MCPH1: variants seen among roughly 807,000 people sequenced by gnomAD.
The protein encoded by MCPH1 is microcephalin.
A neutral mutation model predicts 84.5 loss-of-function variants in MCPH1; 104 were observed. That is an observed-to-expected ratio of 1.23 (90% CI 1.05 to 1.45). MCPH1 has a LOEUF of 1.45. Ranked by LOEUF, MCPH1 falls within the 40% of genes most tolerant of loss-of-function variation. The pLI is 0.00. For missense variants in MCPH1, 1,498 were observed against 1,005.7 expected (o/e 1.49, Z -6.62); for synonymous variants, 514 against 366.8 (o/e 1.40, Z -4.58).
At chr8:6,601,579 A>ATACT (rs563226820) in intron 12 of MCPH1, among the ~76,000 whole-genome samples, 295 of 148,220 alleles carry the variant, frequency 2.0e-3, no homozygotes, top group African/African-American at 6.9e-3. Context: ...CATGCACATC[A>ATACT]TACATGCCCA....
intron 11 of MCPH1, among the ~76,000 whole-genome samples, chr8:6,496,582 C>G (rs539847295): frequency 6.7e-5 from 10 of 148,656 alleles, no homozygotes; most frequent in Admixed American, 1.3e-4. Flanking sequence ...ATTCTTAGTA[C>G]CACAACTGCA....
At chr8:6,532,465 T>A (rs1250282840) in intron 12 of MCPH1, 1 of 1,613,598 alleles carries the variant, frequency 6.2e-7, no homozygotes, top group African/African-American at 1.3e-5. Flanking sequence ...TTTCTTCATG[T>A]TGTCCTGGAT....
At chr8:6,618,780 G>A (rs1831113452) in intron 12 of MCPH1, 1 of 152,034 alleles carries the variant, frequency 6.6e-6, no homozygotes, top group Non-Finnish European at 1.5e-5. Flanking sequence ...AAGAATTTAG[G>A]GGTCTTTTTT....
chr8:6,502,420 G>A (rs976171508), intron 12 of MCPH1: 1 of 152,100 alleles, frequency 6.6e-6, no homozygotes, highest in Non-Finnish European at 1.5e-5. Context: ...CAGAGATTCT[G>A]GAAGTTTCTA....
chr8:6,536,892 C>G lies in MCPH1; in HGVS notation c.2214+36963C>G, dbSNP rs533120276. ...TTAGTGTCTCTCTTATTTTTACTGG[C>G]TGTGACTGAAACCCAGAAATATAGA... On this transcript the variant is annotated intron_variant, in intron 12 of 13. Coordinates refer to ENST00000344683, the MANE Select transcript of MCPH1 (RefSeq NM_024596.5). 5.3e-5 allele frequency among the ~76,000 whole-genome samples: 8 copies of G among 150,820 alleles called. No individual in the cohort carries two copies. In the South Asian group the frequency reaches 1.7e-3, roughly 32 times the overall value.
At chr8:6,526,232 C>A (rs1156865699) in intron 12 of MCPH1, among the ~76,000 whole-genome samples, 1 of 118,742 alleles carries the variant, frequency 8.4e-6, no homozygotes, top group Non-Finnish European at 1.7e-5. Context: ...CCAGCCTGGG[C>A]AATATGGCAA....
Position 6,643,254 on chromosome 8 carries a change from T to G in MCPH1, c.*205T>G, listed in dbSNP as rs1798050165. ...TCTGTTTCAGAGACGCTTCGGGCCT[T>G]TTTATTTTTATTTTATTTTTTATTT... On this transcript the variant is annotated 3_prime_UTR_variant, in exon 14 of 14. Coordinates refer to ENST00000344683, the MANE Select transcript of MCPH1 (RefSeq NM_024596.5). 2 of 598,038 alleles carry G rather than the reference T, an allele frequency of 3.3e-6. No homozygotes were observed. Among genetic ancestry groups the G allele is most frequent in the Middle Eastern group, 8.9e-4 (2 of 2,258 alleles). 37.0% of individuals were successfully genotyped at this position (598,038 alleles called of 1,614,324 possible).
intron 12 of MCPH1, among the ~76,000 whole-genome samples, chr8:6,512,869 G>T (rs939216027): frequency 6.6e-6 from 1 of 152,200 alleles, no homozygotes; most frequent in Non-Finnish European, 1.5e-5. Flanking sequence ...GTAGAGGAGA[G>T]CAGAGTTGAC....
chr8:6,621,799 G>T, intron 13 of MCPH1, 108 bp downstream of exon 13: 1 of 1,456,490 alleles, frequency 6.9e-7, no homozygotes, highest in Non-Finnish European at 9.6e-7. Context: ...TGGGGCACCT[G>T]GGTTGATGTC....
chr8:6,464,950 G>A (rs1164958072), intron 9 of MCPH1, among the ~76,000 whole-genome samples: 1 of 151,472 alleles, frequency 6.6e-6, no homozygotes, highest in Non-Finnish European at 1.5e-5. Context: ...AGTGAGCCAA[G>A]ATCATGCCAC....
chr8:6,564,283 C>A (rs1307416360), intron 12 of MCPH1, among the ~76,000 whole-genome samples: 1 of 152,138 alleles, frequency 6.6e-6, no homozygotes, highest in Admixed American at 6.5e-5. Flanking sequence ...GGCCCACAAA[C>A]TTCTTTATTG....
At chr8:6,514,611 C>T (rs1017392636) in intron 12 of MCPH1, 40 of 1,418,710 alleles carry the variant, frequency 2.8e-5, no homozygotes, top group Non-Finnish European at 3.4e-5. Context: ...GTTAAGGTTC[C>T]GCAGATCTTG....
chr8:6,524,805 C>T (rs963399055), intron 12 of MCPH1, among the ~76,000 whole-genome samples: 1 of 152,192 alleles, frequency 6.6e-6, no homozygotes, highest in Non-Finnish European at 1.5e-5. Flanking sequence ...ACAGGGAATA[C>T]ATATGAAGAT....
chr8:6,406,647 G>A lies in MCPH1; in HGVS notation c.-21G>A, dbSNP rs368033201. The A allele has an allele frequency of 1.9e-5, 31 of 1,611,354 alleles. No individual in the cohort carries two copies. The highest frequency in any genetic ancestry group is 1.0e-4 in the Admixed American group (6 of 59,896). Reference sequence around the variant, plus strand: ...CTCGCAAGCACCGCGTAGGCCAGCTGGCCGGATCCCGCCGTCTGTCATGGC... The same window carrying A: ...CTCGCAAGCACCGCGTAGGCCAGCTAGCCGGATCCCGCCGTCTGTCATGGC... On this transcript the variant is annotated 5_prime_UTR_variant, in exon 1 of 14. Transcript: ENST00000344683.
At chr8:6,625,659 T>C (rs1831997551) in intron 13 of MCPH1, 1 of 985,324 alleles carries the variant, frequency 1.0e-6, no homozygotes, top group Non-Finnish European at 1.2e-6. Flanking sequence ...GAGCCGGGCG[T>C]GGTGGCCCAT....
At chr8:6,582,388 G>T (rs1265935598) in intron 12 of MCPH1, among the ~76,000 whole-genome samples, 20 of 152,212 alleles carry the variant, frequency 1.3e-4, no homozygotes, top group African/African-American at 2.4e-5. Flanking sequence ...GCAAAGTTTA[G>T]TGACGTTGCA....
chr8:6,425,522 C>A (rs1265362496), intron 3 of MCPH1, among the ~76,000 whole-genome samples: 2 of 152,156 alleles, frequency 1.3e-5, no homozygotes, highest in African/African-American at 4.8e-5. Context: ...ATGATAGTTA[C>A]ACCCAGGTAG....
intron 12 of MCPH1, among the ~76,000 whole-genome samples, chr8:6,551,849 T>A (rs143435434): frequency 5.4e-4 from 83 of 152,306 alleles, no homozygotes; most frequent in African/African-American, 2.0e-3. Flanking sequence ...CGAGCAGAAT[T>A]TTTACACCAA....
chr8:6,597,209 C>A (rs1353466581), intron 12 of MCPH1, among the ~76,000 whole-genome samples: 1 of 152,166 alleles, frequency 6.6e-6, no homozygotes, highest in African/African-American at 2.4e-5. Context: ...GAGCCTCAGT[C>A]CTGTGTGGGG....
Sources: gnomAD v4.1 joint callset for allele counts (sites outside exome capture counted in the v4.1 genomes callset) on GRCh38, gnomAD v4.1.1 for gene constraint, MANE v1.5 for transcripts, NCBI Gene and HGNC (gene_info 2026-07-23, HGNC 2026-07-21) for gene names.